The following PLCB4 variants were observed in gnomAD, a reference collection of about 807,000 sequenced individuals.
PLCB4 encodes the protein phospholipase C beta 4, also known as 1-phosphatidylinositol 4,5-bisphosphate phosphodiesterase beta-4.
In PLCB4, 77 loss-of-function variants were observed where a neutral mutation model predicts 178.8. The ratio of observed to expected loss-of-function variants is 0.43; its 90% CI spans 0.36 to 0.52. The LOEUF is 0.52. Ranked by LOEUF, PLCB4 falls within the 20% of genes least tolerant of loss-of-function variation. The pLI is 0.00. For missense variants in PLCB4, 1,024 were observed against 1,453.4 expected (o/e 0.70, Z 4.80); for synonymous variants, 496 against 490.8 (o/e 1.01, Z -0.14).
At chr20:9,429,991 T>C (rs980437620) in intron 28 of PLCB4, among the ~76,000 whole-genome samples, 1 of 152,120 alleles carries the variant, frequency 6.6e-6, no homozygotes, top group African/African-American at 2.4e-5. Context: ...TTGGGCCACA[T>C]TGGAAGAATA....
At chr20:9,076,422 A>C (rs937180551) in intron 1 of PLCB4, among the ~76,000 whole-genome samples, 11 of 152,178 alleles carry the variant, frequency 7.2e-5, no homozygotes, top group African/African-American at 2.7e-4. Flanking sequence ...AGCCGAGATC[A>C]CATAACTGCA....
chr20:9,194,465 T>C (rs2093443890), intron 2 of PLCB4, among the ~76,000 whole-genome samples: 1 of 151,900 alleles, frequency 6.6e-6, no homozygotes, highest in Non-Finnish European at 1.5e-5. Context: ...GGTGGGTGGA[T>C]CACAAGGTCA....
At chr20:9,253,403 G>A (rs1317309548) in intron 3 of PLCB4, among the ~76,000 whole-genome samples, 1 of 152,000 alleles carries the variant, frequency 6.6e-6, no homozygotes, top group Non-Finnish European at 1.5e-5. Context: ...AACAAGGTAG[G>A]GCTCCTGCTC....
At chr20:9,107,931 G>T (rs762932830) in intron 2 of PLCB4, among the ~76,000 whole-genome samples, 1 of 152,026 alleles carries the variant, frequency 6.6e-6, no homozygotes, top group Non-Finnish European at 1.5e-5. Context: ...TGAGATTCTC[G>T]ATCTCTTTTG....
intron 15 of PLCB4, among the ~76,000 whole-genome samples, chr20:9,388,736 C>CAT (rs2037891135): frequency 6.6e-6 from 1 of 152,096 alleles, no homozygotes; most frequent in African/African-American, 2.4e-5. Context: ...TACACACACA[C>CAT]GCAGATGTCT....
intron 2 of PLCB4, among the ~76,000 whole-genome samples, chr20:9,162,346 G>A (rs1271346287): frequency 6.6e-6 from 1 of 152,114 alleles, no homozygotes; most frequent in Non-Finnish European, 1.5e-5. Flanking sequence ...AAAATGTGGC[G>A]ATTTGTGTAT....
chr20:9,330,876 G>A (rs1240672753), intron 4 of PLCB4, among the ~76,000 whole-genome samples: 1 of 152,102 alleles, frequency 6.6e-6, no homozygotes, highest in Non-Finnish European at 1.5e-5. Flanking sequence ...GATAGTATTT[G>A]TGAAATACCT....
rs182724409 is a variant in PLCB4, at chr20:9,451,666, T to A, written c.2881-1681T>A. 2.4e-4 allele frequency among the ~76,000 whole-genome samples: 37 copies of A among 152,242 alleles called. 1 individual carries two copies. The highest frequency in any genetic ancestry group is 8.7e-4 in the African/African-American group (36 of 41,470). ...ACATTTATTGATTTAATTAGTCTGA[T>A]TGATATCCCTATCTCAAGTCACTCT... On this transcript the variant is annotated intron_variant, in intron 32 of 39. Coordinates refer to ENST00000378473, the MANE Select transcript of PLCB4 (RefSeq NM_001377142.1).
intron 2 of PLCB4, among the ~76,000 whole-genome samples, chr20:9,194,504 C>T (rs8115638): frequency 0.026 from 3,993 of 151,734 alleles, 74 homozygotes; most frequent in African/African-American, 0.034. Flanking sequence ...GGCTAAAAAA[C>T]GGTGAAACCC....
At chr20:9,299,652 A>G (rs2094681690) in intron 3 of PLCB4, among the ~76,000 whole-genome samples, 1 of 152,048 alleles carries the variant, frequency 6.6e-6, no homozygotes, top group Non-Finnish European at 1.5e-5. Context: ...CCTTTAAAGT[A>G]CTATTTTTAA....
intron 3 of PLCB4, among the ~76,000 whole-genome samples, chr20:9,295,421 G>A (rs1284655496): frequency 6.6e-6 from 1 of 152,070 alleles, no homozygotes; most frequent in Non-Finnish European, 1.5e-5. Context: ...AAATATCCCA[G>A]GGTGCTCTAA....
intron 13 of PLCB4, among the ~76,000 whole-genome samples, chr20:9,383,154 A>G (rs1269195159): frequency 6.6e-6 from 1 of 152,226 alleles, no homozygotes; most frequent in Non-Finnish European, 1.5e-5. Flanking sequence ...CGTTGTTTGG[A>G]TAAATGCATA....
At chr20:9,426,365 C>CT (rs1310524818) in intron 28 of PLCB4, among the ~76,000 whole-genome samples, 1 of 152,030 alleles carries the variant, frequency 6.6e-6, no homozygotes, top group Non-Finnish European at 1.5e-5. Context: ...CTTCCAGTCT[C>CT]TTTTTTTCCT....
At chr20:9,262,073 T>C (rs762643052) in intron 3 of PLCB4, among the ~76,000 whole-genome samples, 6 of 152,150 alleles carry the variant, frequency 3.9e-5, no homozygotes, top group Non-Finnish European at 8.8e-5. Context: ...AAGGTGATCA[T>C]TCTGGAAAGT....
chr20:9,145,545 C>T (rs1013018122), intron 2 of PLCB4, among the ~76,000 whole-genome samples: 4 of 151,410 alleles, frequency 2.6e-5, no homozygotes, highest in African/African-American at 9.7e-5. Flanking sequence ...CTGCTGTTGC[C>T]TAGTGTTTGT....
intron 18 of PLCB4, among the ~76,000 whole-genome samples, chr20:9,393,889 A>G (rs989946380): frequency 2.0e-5 from 3 of 152,222 alleles, no homozygotes; most frequent in Non-Finnish European, 4.4e-5. Context: ...AAGCATATCT[A>G]TATATTCAAA....
chr20:9,406,878 T>C (rs1489148848), intron 21 of PLCB4, among the ~76,000 whole-genome samples: 1 of 152,218 alleles, frequency 6.6e-6, no homozygotes, highest in Non-Finnish European at 1.5e-5. Context: ...GAAATTTAGC[T>C]TTGCAAAGTT....
intron 3 of PLCB4, among the ~76,000 whole-genome samples, chr20:9,249,504 C>T (rs2094158326): frequency 6.6e-6 from 1 of 152,040 alleles, no homozygotes; most frequent in Non-Finnish European, 1.5e-5. Context: ...TCTGTAGAGA[C>T]AGGGCCTTGC....
intron 3 of PLCB4, among the ~76,000 whole-genome samples, chr20:9,299,027 C>T (rs1202386236): frequency 1.3e-5 from 2 of 151,986 alleles, no homozygotes; most frequent in African/African-American, 4.8e-5. Context: ...GCAGAGGTTT[C>T]AGTTAACGTT....
Sources: gnomAD v4.1 joint callset for allele counts (sites outside exome capture counted in the v4.1 genomes callset) on GRCh38, gnomAD v4.1.1 for gene constraint, MANE v1.5 for transcripts, NCBI Gene and HGNC (gene_info 2026-07-23, HGNC 2026-07-21) for gene names.